RSBN1: variants seen among roughly 807,000 people sequenced by gnomAD.
RSBN1 encodes lysine-specific demethylase 9.
A neutral mutation model predicts 74.8 loss-of-function variants in RSBN1; 23 were observed. The ratio of observed to expected loss-of-function variants is 0.31; its 90% CI spans 0.22 to 0.44. The LOEUF is 0.44. RSBN1 is among the 20% of genes least tolerant of loss of function. The pLI, the probability that RSBN1 is intolerant of heterozygous loss-of-function variation, is 1.00. For missense variants in RSBN1, 808 were observed against 1,020.9 expected, an observed-to-expected ratio of 0.79 and a Z score of 2.84; for synonymous variants, 407 against 379.6, an observed-to-expected ratio of 1.07 and a Z score of -0.84.
chr1:113,791,977 C>T (rs1010440714), intron 2 of RSBN1, among the ~76,000 whole-genome samples: 5 of 152,038 alleles, frequency 3.3e-5, no homozygotes, highest in Admixed American at 6.6e-5. Flanking sequence ...CAACACACAA[C>T]GAGGGAATAA....
chr1:113,765,128 A>G lies in RSBN1; in HGVS notation c.*852T>C, dbSNP rs761670206. On this transcript the variant is annotated 3_prime_UTR_variant, in exon 7 of 7. Coordinates refer to ENST00000261441, the MANE Select transcript of RSBN1 (RefSeq NM_018364.5). Reference sequence around the variant, plus strand: ...CAGCCTCATCAGAAAGACTATTATTATTCTCTAAGTTTAATAGTTGTGATC... The same window carrying G: ...CAGCCTCATCAGAAAGACTATTATTGTTCTCTAAGTTTAATAGTTGTGATC... 1 of 152,312 alleles carries G rather than the reference A, an allele frequency of 6.6e-6. No individual in the cohort carries two copies. Among genetic ancestry groups the G allele is most frequent in the African/African-American group, 2.4e-5 (1 of 41,446 alleles). 9.4% of individuals were successfully genotyped at this position (152,312 alleles called of 1,614,324 possible).
At chr1:113,767,009 CAT>C (rs1659793426) in intron 6 of RSBN1, 88 bp downstream of exon 6, 2 of 679,688 alleles carry the variant, frequency 2.9e-6, no homozygotes, top group Non-Finnish European at 4.9e-6. Flanking sequence ...CACTATCCCA[CAT>C]ATCAGACTGT....
chr1:113,782,972 A>T (rs1360565437), intron 2 of RSBN1, among the ~76,000 whole-genome samples: 1 of 152,100 alleles, frequency 6.6e-6, no homozygotes, highest in Non-Finnish European at 1.5e-5. Context: ...CCCACTTTTA[A>T]ATCAGATTAT....
intron 4 of RSBN1, among the ~76,000 whole-genome samples, chr1:113,770,349 G>T (rs879432081): frequency 1.4e-4 from 21 of 152,138 alleles, no homozygotes; most frequent in Non-Finnish European, 2.1e-4. Context: ...ACAGAGAAAA[G>T]GAAAGAATCT....
chr1:113,787,291 G>A (rs1246849912), intron 2 of RSBN1, among the ~76,000 whole-genome samples: 1 of 152,118 alleles, frequency 6.6e-6, no homozygotes, highest in Non-Finnish European at 1.5e-5. Flanking sequence ...TCCCACTCAA[G>A]TGAGAATAAA....
In RSBN1 at chr1:113,765,337, T is replaced by TA. The variant is rs1303639595; in HGVS notation, c.*642dup. 6.6e-6 allele frequency: 1 copy of TA among 152,314 alleles called. No homozygotes were observed. Among genetic ancestry groups the TA allele is most frequent in the African/African-American group, 2.4e-5 (1 of 41,436 alleles). 9.4% of individuals were successfully genotyped at this position (152,314 alleles called of 1,614,324 possible). ...ACTATTCATCTTTAGATTTTTTTTT[T>TA]AATTGAAATATCCACTGGGCTTTAA... On this transcript the variant is annotated 3_prime_UTR_variant, in exon 7 of 7. Coordinates refer to ENST00000261441, the MANE Select transcript of RSBN1 (RefSeq NM_018364.5).
At chr1:113,786,380 G>A (rs1199858197) in intron 2 of RSBN1, among the ~76,000 whole-genome samples, 1 of 152,150 alleles carries the variant, frequency 6.6e-6, no homozygotes, top group Admixed American at 6.6e-5. Context: ...TTACCTTATG[G>A]CAAAATGGAC....
chr1:113,774,836 C>CA (rs1338969249), intron 4 of RSBN1, among the ~76,000 whole-genome samples: 1 of 152,122 alleles, frequency 6.6e-6, no homozygotes, highest in Non-Finnish European at 1.5e-5. Context: ...GCCTAGGTGA[C>CA]AGAGTAAGAC....
intron 1 of RSBN1, among the ~76,000 whole-genome samples, chr1:113,808,866 T>C: frequency 6.6e-6 from 1 of 152,208 alleles, no homozygotes; most frequent in East Asian, 1.9e-4. Flanking sequence ...ATCTTGATTG[T>C]AGTGGTGGTT....
intron 1 of RSBN1, among the ~76,000 whole-genome samples, chr1:113,804,575 T>G (rs748330900): frequency 2.6e-5 from 4 of 152,160 alleles, no homozygotes; most frequent in Non-Finnish European, 4.4e-5. Context: ...TGGTTACAAT[T>G]AATGGACCTG....
chr1:113,768,411 A>C (rs753144580), intron 4 of RSBN1, 22 bp from the exon 5 acceptor site: 1 of 1,556,866 alleles, frequency 6.4e-7, no homozygotes, highest in South Asian at 1.2e-5. Flanking sequence ...TTGGTTGTTA[A>C]ACAAAGGGTA....
chr1:113,806,679 AT>A (rs1660704403), intron 1 of RSBN1, among the ~76,000 whole-genome samples: 1 of 151,870 alleles, frequency 6.6e-6, no homozygotes. Context: ...AAAATTTAAA[AT>A]TTTTGCTCTG....
chr1:113,809,096 G>A (rs921061569), intron 1 of RSBN1, among the ~76,000 whole-genome samples: 1 of 151,408 alleles, frequency 6.6e-6, no homozygotes, highest in Non-Finnish European at 1.5e-5. Flanking sequence ...GAGGATAAGC[G>A]AAGGAAGGAC....
At position 113,800,632 on chromosome 1, in the gene RSBN1, T is replaced by C. The variant is rs117327036; in HGVS notation, c.704-2596A>G. On this transcript the variant is annotated intron_variant, in intron 1 of 6. Coordinates refer to ENST00000261441, the MANE Select transcript of RSBN1 (RefSeq NM_018364.5). ...TTTAAGCTTCGGAAGAGGTATTTGG[T>C]ATGCAGAAAATGAATTGTGACCTAG... is the stretch of plus-strand genomic sequence containing the variant. Among the ~76,000 whole-genome samples, 187 of 152,228 alleles carry C rather than the reference T, an allele frequency of 1.2e-3. 3 individuals carry two copies. The East Asian group carries it at 0.031, about 26-fold the overall frequency.
At chr1:113,793,685 T>G (rs1402663855) in intron 2 of RSBN1, among the ~76,000 whole-genome samples, 1 of 152,010 alleles carries the variant, frequency 6.6e-6, no homozygotes, top group East Asian at 1.9e-4. Context: ...TTCTTTTTTT[T>G]TTTTTCTTTT....
intron 1 of RSBN1, among the ~76,000 whole-genome samples, chr1:113,798,436 T>C (rs1478811402): frequency 6.6e-6 from 1 of 152,152 alleles, no homozygotes; most frequent in Non-Finnish European, 1.5e-5. Context: ...AAATTTAAAT[T>C]TAAGCTAGGC....
At position 113,812,197 on chromosome 1, in the gene RSBN1, C is replaced by G; in HGVS notation, c.216G>C (p.Gly72=). The change falls in exon 1 of 7, where the codon GGG becomes GGC. Residue 72 remains glycine, a synonymous_variant. Coordinates refer to ENST00000261441, the MANE Select transcript of RSBN1 (RefSeq NM_018364.5). ...AGACCCCAGCATGAGGTTTCTCCTT[C>G]CCCTCTTTGTCCGGCTCCTCCTGCG... ...VAAQEEPDKE[G]KEKPHAGVSP... 1.2e-6 allele frequency: 2 copies of G among 1,608,388 alleles called. No homozygotes were observed. Among genetic ancestry groups the G allele is most frequent in the Non-Finnish European group, 1.7e-6 (2 of 1,179,872 alleles).
At chr1:113,780,725 AATT>A (rs1295660397) in intron 2 of RSBN1, among the ~76,000 whole-genome samples, 1 of 152,226 alleles carries the variant, frequency 6.6e-6, no homozygotes, top group Non-Finnish European at 1.5e-5. Context: ...AGTGACAAAG[AATT>A]AACAATGTTC....
intron 1 of RSBN1, among the ~76,000 whole-genome samples, chr1:113,800,640 A>G (rs1660563676): frequency 6.6e-6 from 1 of 152,160 alleles, no homozygotes; most frequent in Non-Finnish European, 1.5e-5. Context: ...GGTATGCAGA[A>G]AATGAATTGT....
Sources: allele counts gnomAD v4.1 joint callset (sites outside exome capture counted in the v4.1 genomes callset), GRCh38; gene constraint gnomAD v4.1.1; transcripts MANE v1.5; gene names NCBI Gene and HGNC (gene_info 2026-07-23, HGNC 2026-07-21).